Variants in C11orf65 observed in about 807,000 individuals in gnomAD.
The protein encoded by C11orf65 is protein MFI.
Under a neutral mutation model 35.3 loss-of-function variants are expected in C11orf65, and 38 were observed. That is an observed-to-expected ratio of 1.08 (90% CI 0.83 to 1.41). C11orf65 has a LOEUF of 1.41. C11orf65 is among the 40% of genes most tolerant of loss of function. The pLI is 0.00. For synonymous variants in C11orf65, 105 were observed against 114.4 expected, an observed-to-expected ratio of 0.92 and a Z score of 0.53; for missense variants, 370 against 367.1, an observed-to-expected ratio of 1.01 and a Z score of -0.06.
intron 2 of C11orf65, among the ~76,000 whole-genome samples, chr11:108,339,362 A>AT (rs2087228668): frequency 6.6e-6 from 1 of 152,176 alleles, no homozygotes; most frequent in African/African-American, 2.4e-5. Flanking sequence ...ATTCCTTGTC[A>AT]TGCATATTTC....
intron 2 of C11orf65, among the ~76,000 whole-genome samples, chr11:108,447,548 A>C (rs1380722994): frequency 3.9e-5 from 6 of 152,254 alleles, no homozygotes; most frequent in African/African-American, 7.2e-5. Flanking sequence ...GGTACATAAC[A>C]AAATGAAGGC....
intron 2 of C11orf65, among the ~76,000 whole-genome samples, chr11:108,369,949 C>T (rs1432130825): frequency 6.6e-6 from 1 of 152,146 alleles, no homozygotes; most frequent in Non-Finnish European, 1.5e-5. Context: ...GATATTTCTA[C>T]TGATCCTTTG....
intron 2 of C11orf65, among the ~76,000 whole-genome samples, chr11:108,448,797 G>A (rs1297405464): frequency 5.3e-5 from 8 of 152,156 alleles, no homozygotes; most frequent in Non-Finnish European, 1.2e-4. Context: ...AATTAGGCAG[G>A]AGAAGGAAAT....
chr11:108,447,877 T>C (rs1223183740), intron 2 of C11orf65, among the ~76,000 whole-genome samples: 3 of 152,062 alleles, frequency 2.0e-5, no homozygotes, highest in Non-Finnish European at 2.9e-5. Flanking sequence ...ACAAAATTGA[T>C]AGACTGCTAG....
In C11orf65 at chr11:108,445,886, A is replaced by G. The variant is rs148136064; in HGVS notation, c.82-14048T>C. Among the ~76,000 whole-genome samples, 120 of 152,212 alleles carry G rather than the reference A, an allele frequency of 7.9e-4. 2 individuals carry two copies. The highest frequency in any genetic ancestry group is 2.6e-3 in the African/African-American group (108 of 41,530). On this transcript the variant is annotated intron_variant, in intron 2 of 8. Transcript: ENST00000393084. ...TTAAAAACTTTGAAAAAAAAATTAG[A>G]CGAATGGATAACTAGAATAATCAAT...
intron 2 of C11orf65, among the ~76,000 whole-genome samples, chr11:108,460,276 G>A (rs568674880): frequency 1.4e-4 from 21 of 152,254 alleles, no homozygotes; most frequent in Admixed American, 1.2e-3. Context: ...GCTAGAAACA[G>A]AGCCATATTA....
chr11:108,379,834 G>A (rs143548946), downstream of C11orf65, among the ~76,000 whole-genome samples: 3 of 152,130 alleles, frequency 2.0e-5, no homozygotes, highest in East Asian at 3.9e-4. Context: ...GGTGATAAAT[G>A]TTATATGGAA....
intron 2 of C11orf65, among the ~76,000 whole-genome samples, chr11:108,442,094 T>C (rs1426498162): frequency 6.6e-6 from 1 of 152,000 alleles, no homozygotes; most frequent in Non-Finnish European, 1.5e-5. Context: ...ATGAGATGAA[T>C]GGTTAACTAG....
chr11:108,359,982 C>G (rs939388993), intron 2 of C11orf65, among the ~76,000 whole-genome samples: 1 of 151,514 alleles, frequency 6.6e-6, no homozygotes, highest in Non-Finnish European at 1.5e-5. Context: ...CACAAAAAAC[C>G]CTTCAAAAAA....
chr11:108,468,586 T>A (rs1013330819), upstream of C11orf65, among the ~76,000 whole-genome samples: 6 of 152,092 alleles, frequency 3.9e-5, no homozygotes, highest in African/African-American at 1.4e-4. Context: ...AATGAAAACA[T>A]TTGTACAGAA....
downstream of C11orf65, chr11:108,328,905 A>C: frequency 5.4e-5 from 57 of 1,058,542 alleles, no homozygotes; most frequent in Middle Eastern, 3.1e-4. Flanking sequence ...CATATAATTT[A>C]GCTAGCTTTT....
chr11:108,309,567 C>G (rs1448421966), intron 6 of C11orf65, among the ~76,000 whole-genome samples: 1 of 152,146 alleles, frequency 6.6e-6, no homozygotes, highest in African/African-American at 2.4e-5. Context: ...AACACTAGTG[C>G]TCTTAAGCAC....
chr11:108,373,628 C>G (rs1447877329), intron 2 of C11orf65, among the ~76,000 whole-genome samples: 1 of 152,238 alleles, frequency 6.6e-6, no homozygotes, highest in Non-Finnish European at 1.5e-5. Context: ...GCATTTCCAT[C>G]TGAGATACCG....
At chr11:108,354,272 C>T (rs1165305505) in intron 2 of C11orf65, among the ~76,000 whole-genome samples, 4 of 152,168 alleles carry the variant, frequency 2.6e-5, no homozygotes, top group African/African-American at 9.7e-5. Flanking sequence ...TCCAAACCTC[C>T]TCTGGAAGCA....
rs528402005 is a variant in C11orf65 at position 108,440,089 on chromosome 11, A to G, written c.82-8251T>C. On this transcript the variant is annotated intron_variant, in intron 2 of 8. Coordinates refer to ENST00000393084, the MANE Select transcript of C11orf65 (RefSeq NM_152587.5). ...TCTGGAAATAACAGGACAAAGGTGAAGAGGCTAAAGTGAGTTAACATGTTA... is the reference window on the plus strand; with the variant it reads ...TCTGGAAATAACAGGACAAAGGTGAGGAGGCTAAAGTGAGTTAACATGTTA... Among the ~76,000 whole-genome samples, 35 of 152,338 alleles carry G rather than the reference A, an allele frequency of 2.3e-4. No individual in the cohort carries two copies. In the South Asian group the frequency reaches 5.6e-3, roughly 24 times the overall value.
chr11:108,324,562 T>G (rs1003751397), intron 6 of C11orf65, among the ~76,000 whole-genome samples: 41 of 152,156 alleles, frequency 2.7e-4, no homozygotes, highest in African/African-American at 9.9e-4. Context: ...GTAGGGTCAT[T>G]TAGAGAGGAA....
At chr11:108,465,030 T>C (rs996886497) in intron 1 of C11orf65, among the ~76,000 whole-genome samples, 2 of 152,224 alleles carry the variant, frequency 1.3e-5, no homozygotes, top group Admixed American at 6.5e-5. Flanking sequence ...TTTAATACTT[T>C]CCAAGAACTA....
chr11:108,354,478 A>G (rs1245278589), intron 2 of C11orf65, among the ~76,000 whole-genome samples: 1 of 152,198 alleles, frequency 6.6e-6, no homozygotes, highest in African/African-American at 2.4e-5. Context: ...CTGTGTACTC[A>G]ACTTGGATTG....
At chr11:108,374,049 C>T (rs921336834) in intron 2 of C11orf65, among the ~76,000 whole-genome samples, 1 of 152,226 alleles carries the variant, frequency 6.6e-6, no homozygotes, top group Non-Finnish European at 1.5e-5. Context: ...GAGCCCACCA[C>T]AGCTCAAGGA....
Sources: gnomAD v4.1 joint callset for allele counts (sites outside exome capture counted in the v4.1 genomes callset) on GRCh38, gnomAD v4.1.1 for gene constraint, MANE v1.5 for transcripts, NCBI Gene and HGNC (gene_info 2026-07-23, HGNC 2026-07-21) for gene names.